Variants in ABCD3 observed in about 807,000 individuals in gnomAD.
The protein encoded by ABCD3 is ATP-binding cassette sub-family D member 3.
A neutral mutation model predicts 105.5 loss-of-function variants in ABCD3; 41 were observed. That is an observed-to-expected ratio of 0.39 (90% CI 0.30 to 0.50). The LOEUF (loss-of-function observed/expected upper bound fraction) is 0.50. Ranked by LOEUF, ABCD3 falls within the 20% of genes least tolerant of loss-of-function variation. The probability of loss-of-function intolerance (pLI) is 0.84; values close to 1 mark genes in which losing one functional copy is unlikely to be tolerated. For synonymous variants in ABCD3, 258 were observed against 269.0 expected (o/e 0.96, Z 0.40); for missense variants, 622 against 806.3 (o/e 0.77, Z 2.77).
upstream of ABCD3, among the ~76,000 whole-genome samples, chr1:94,417,481 T>C (rs1425616204): frequency 6.6e-6 from 1 of 152,226 alleles, no homozygotes; most frequent in Non-Finnish European, 1.5e-5. Context: ...ATGCTGGCGA[T>C]AACAATTCCT....
rs142304300 is a variant in ABCD3, at chr1:94,495,202, T to C, written c.1387-3400T>C. 8.5e-5 allele frequency among the ~76,000 whole-genome samples: 13 copies of C among 152,332 alleles called. No individual in the cohort carries two copies. The East Asian group carries it at 2.5e-3, about 29-fold the overall frequency. Reference sequence around the variant, plus strand: ...TACTTTTATATAATTTTTCTTTTACTTAAATTTATGTGTAGAATTTTTTAT... The same window carrying C: ...TACTTTTATATAATTTTTCTTTTACCTAAATTTATGTGTAGAATTTTTTAT... On this transcript the variant is annotated intron_variant, in intron 16 of 22. Transcript: ENST00000370214.
At chr1:94,450,289 CAAAT>C (rs1476768375) in intron 1 of ABCD3, among the ~76,000 whole-genome samples, 3 of 152,308 alleles carry the variant, frequency 2.0e-5, no homozygotes, top group African/African-American at 7.2e-5. Flanking sequence ...CTTTGCAAAA[CAAAT>C]AAGGGGGACA....
the ABCD3 span, among the ~76,000 whole-genome samples, chr1:94,399,802 T>C: frequency 1.3e-5 from 2 of 152,200 alleles, no homozygotes; most frequent in African/African-American, 4.8e-5. Flanking sequence ...ATTTGTGTAT[T>C]TGGGGGAGGA....
intron 1 of ABCD3, chr1:94,419,423 G>A: frequency 2.2e-6 from 2 of 898,446 alleles, no homozygotes; most frequent in South Asian, 5.1e-5. Context: ...TTCAGAAAAA[G>A]TAAAAAAGAG....
intron 3 of ABCD3, 54 bp from the exon 4 acceptor site, chr1:94,467,862 TTTC>T: frequency 7.8e-7 from 1 of 1,285,924 alleles, no homozygotes; most frequent in South Asian, 1.2e-5. Context: ...CAAGGTAATA[TTTC>T]TTTGAACTTT....
the ABCD3 span, among the ~76,000 whole-genome samples, chr1:94,412,224 A>T: frequency 6.6e-6 from 1 of 152,196 alleles, no homozygotes; most frequent in African/African-American, 2.4e-5. Context: ...CTTAAAAGGT[A>T]CAAATTTATT....
At chr1:94,441,884 T>C (rs907037961) in intron 1 of ABCD3, among the ~76,000 whole-genome samples, 2 of 151,692 alleles carry the variant, frequency 1.3e-5, no homozygotes, top group Non-Finnish European at 2.9e-5. Context: ...AAGGAGGGGG[T>C]GGTTGAACAA....
intron 4 of ABCD3, among the ~76,000 whole-genome samples, chr1:94,472,902 G>A (rs779947015): frequency 1.3e-5 from 2 of 152,030 alleles, no homozygotes; most frequent in Non-Finnish European, 1.5e-5. Flanking sequence ...TACTATCTTT[G>A]TATTAGGTCA....
the ABCD3 span, among the ~76,000 whole-genome samples, chr1:94,385,828 A>T: frequency 2.6e-5 from 4 of 152,206 alleles, no homozygotes; most frequent in East Asian, 7.7e-4. Context: ...GCGGAGATGC[A>T]TATAGATATA....
At chr1:94,512,393 T>C (rs1650719676) in intron 21 of ABCD3, among the ~76,000 whole-genome samples, 1 of 151,908 alleles carries the variant, frequency 6.6e-6, no homozygotes, top group Non-Finnish European at 1.5e-5. Context: ...ATTCTCTTTA[T>C]ATATGGGAAA....
the ABCD3 span, among the ~76,000 whole-genome samples, chr1:94,405,167 G>T: frequency 6.6e-6 from 1 of 152,070 alleles, no homozygotes; most frequent in African/African-American, 2.4e-5. Context: ...AATTCCAAAA[G>T]GTAACACTCT....
intron 9 of ABCD3, among the ~76,000 whole-genome samples, chr1:94,480,876 A>G (rs1004804526): frequency 3.3e-5 from 5 of 152,232 alleles, no homozygotes; most frequent in African/African-American, 9.6e-5. Flanking sequence ...AGACATAATC[A>G]GTTTACAATT....
chr1:94,498,668 G>A lies in ABCD3; in HGVS notation c.1453G>A (p.Val485Ile). The change falls in exon 17 of 23, where the codon GTT (valine) becomes ATT (isoleucine). Residue 485 changes from valine to isoleucine, a missense_variant. Physicochemically the swap from Val to Ile is conservative, Grantham distance 29. Transcript: ENST00000370214. ...NGCGKSSLFR[V>I]LGELWPLFGG... ...CTGCGGAAAGAGTTCACTTTTCCGTGTTCTTGGTGAAGTAAGTACAAGTTG... is the reference window on the plus strand; with the variant it reads ...CTGCGGAAAGAGTTCACTTTTCCGTATTCTTGGTGAAGTAAGTACAAGTTG... The A allele has an allele frequency of 1.2e-6, 2 of 1,612,104 alleles. No individual in the cohort carries two copies. Among genetic ancestry groups the A allele is most frequent in the East Asian group, 4.5e-5 (2 of 44,784 alleles).
At chr1:94,478,508 A>G in intron 8 of ABCD3, 193 bp downstream of exon 8, 9 of 1,542,692 alleles carry the variant, frequency 5.8e-6, no homozygotes, top group Non-Finnish European at 7.1e-6. Flanking sequence ...TTTCTTTTTA[A>G]TTTTCCTTAA....
At chr1:94,465,208 C>T (rs964889711) in intron 3 of ABCD3, among the ~76,000 whole-genome samples, 29 of 152,286 alleles carry the variant, frequency 1.9e-4, no homozygotes, top group African/African-American at 6.0e-4. Context: ...ATGACCCAAA[C>T]ACCTCCCACC....
At chr1:94,438,382 C>T (rs1435547996) in intron 1 of ABCD3, among the ~76,000 whole-genome samples, 1 of 150,468 alleles carries the variant, frequency 6.6e-6, no homozygotes, top group Non-Finnish European at 1.5e-5. Context: ...TATGCATGAG[C>T]AAAGAAAGTG....
intron 13 of ABCD3, 41 bp downstream of exon 13, chr1:94,488,024 T>A (rs753468123): frequency 1.4e-6 from 2 of 1,428,260 alleles, no homozygotes; most frequent in South Asian, 1.2e-5. Context: ...AAATAATTTT[T>A]AAAAATATAT....
At chr1:94,476,382 A>G (rs1334759560) in intron 7 of ABCD3, among the ~76,000 whole-genome samples, 1 of 152,048 alleles carries the variant, frequency 6.6e-6, no homozygotes, top group Admixed American at 6.6e-5. Flanking sequence ...CTTCTTTGCC[A>G]TTACCTCTTG....
At chr1:94,514,990 A>G (rs992659341) in intron 21 of ABCD3, 156 bp from the exon 22 acceptor site, 4 of 637,350 alleles carry the variant, frequency 6.3e-6, no homozygotes, top group Admixed American at 2.5e-5. Context: ...TTCCATTGCT[A>G]TAAACATTTT....
Sources: gnomAD v4.1 joint callset for allele counts (sites outside exome capture counted in the v4.1 genomes callset) on GRCh38, gnomAD v4.1.1 for gene constraint, MANE v1.5 for transcripts, NCBI Gene and HGNC (gene_info 2026-07-23, HGNC 2026-07-21) for gene names.